UNC79: variants seen among roughly 807,000 people sequenced by gnomAD.
UNC79 encodes the protein unc-79 subunit of NALCN channel complex, also known as protein unc-79 homolog.
UNC79 carries 37 observed loss-of-function variants against 283.1 expected under a neutral mutation model. The ratio of observed to expected loss-of-function variants is 0.13; its 90% CI spans 0.10 to 0.17. The LOEUF is 0.17. Among genes scored for constraint, UNC79 ranks in the 10% least tolerant of loss-of-function variants. The pLI is 1.00. For synonymous variants in UNC79, 1,107 were observed against 1,200.2 expected (o/e 0.92, Z 1.61); for missense variants, 2,272 against 3,211.1 (o/e 0.71, Z 7.07).
chr14:93,657,416 A>G (rs1397005474), intron 38 of UNC79, among the ~76,000 whole-genome samples: 2 of 150,546 alleles, frequency 1.3e-5, no homozygotes, highest in African/African-American at 4.9e-5. Context: ...CAGTGGCACA[A>G]TCTCGGCTCA....
intron 14 of UNC79, among the ~76,000 whole-genome samples, chr14:93,549,459 A>AC (rs2061763488): frequency 6.6e-6 from 1 of 152,216 alleles, no homozygotes; most frequent in South Asian, 2.1e-4. Context: ...ACAATATTAT[A>AC]CTTGTCTCAT....
intron 1 of UNC79, among the ~76,000 whole-genome samples, chr14:93,424,826 C>G (rs554868525): frequency 6.6e-4 from 100 of 152,060 alleles, no homozygotes; most frequent in Admixed American, 1.4e-3. Context: ...TGTAGTCAAA[C>G]ATAATTTAAT....
At chr14:93,590,280 G>A (rs143434674) in intron 22 of UNC79, among the ~76,000 whole-genome samples, 1 of 152,270 alleles carries the variant, frequency 6.6e-6, no homozygotes, top group African/African-American at 2.4e-5. Context: ...CCATGAGAAA[G>A]GTGGAGGATC....
chr14:93,470,398 T>C (rs1207095511), intron 2 of UNC79, among the ~76,000 whole-genome samples: 1 of 152,194 alleles, frequency 6.6e-6, no homozygotes, highest in Non-Finnish European at 1.5e-5. Flanking sequence ...TAGTTGACTA[T>C]AAAATCAGTT....
At chr14:93,457,675 C>T (rs2056834719) in intron 1 of UNC79, among the ~76,000 whole-genome samples, 1 of 152,176 alleles carries the variant, frequency 6.6e-6, no homozygotes, top group Non-Finnish European at 1.5e-5. Context: ...TTTCAATCAG[C>T]AGAAAATGAG....
chr14:93,472,884 A>T (rs2057594722), intron 2 of UNC79, among the ~76,000 whole-genome samples: 1 of 152,138 alleles, frequency 6.6e-6, no homozygotes, highest in African/African-American at 2.4e-5. Flanking sequence ...ATATAAAAGC[A>T]CTTTGCAAGT....
intron 33 of UNC79, 62 bp from the exon 37 acceptor site, chr14:93,643,495 T>C: frequency 1.2e-6 from 2 of 1,612,036 alleles, no homozygotes; most frequent in Non-Finnish European, 1.7e-6. Context: ...GTGTGTAGTA[T>C]ATTATATCTT....
chr14:93,691,959 A>T lies in UNC79; in HGVS notation c.7470+13A>T. 6.2e-7 allele frequency: 1 copy of T among 1,613,136 alleles called. No individual in the cohort carries two copies. The highest frequency in any genetic ancestry group is 8.5e-7 in the Non-Finnish European group (1 of 1,179,106). ...CCATAACAAAGTGGTGAGTTCACAG[A>T]CGAGTTTCCCTTCTGAGATGGAATC... On this transcript the variant is annotated intron_variant, in intron 46 of 48. Transcript: ENST00000555664.
chr14:93,357,712 T>G (rs1595382907), intron 1 of UNC79, among the ~76,000 whole-genome samples: 3 of 128,340 alleles, frequency 2.3e-5, no homozygotes, highest in Non-Finnish European at 3.3e-5. Context: ...TATATATATA[T>G]ATATATATGG....
At chr14:93,537,237 G>A (rs1466817854) in intron 11 of UNC79, among the ~76,000 whole-genome samples, 1 of 152,184 alleles carries the variant, frequency 6.6e-6, no homozygotes, top group Non-Finnish European at 1.5e-5. Flanking sequence ...CTCCCGCCAG[G>A]GCAGCTTGAA....
At chr14:93,451,596 G>A (rs761601532) in intron 1 of UNC79, among the ~76,000 whole-genome samples, 1 of 152,328 alleles carries the variant, frequency 6.6e-6, no homozygotes, top group East Asian at 1.9e-4. Context: ...CAGATATTCT[G>A]AGTTGAGGAG....
At chr14:93,598,057 ACT>A (rs1369947871) in intron 24 of UNC79, among the ~76,000 whole-genome samples, 2 of 152,022 alleles carry the variant, frequency 1.3e-5, no homozygotes, top group Non-Finnish European at 2.9e-5. Flanking sequence ...GCTGATCATA[ACT>A]CTCTGCAGCC....
At chr14:93,426,406 A>G (rs1296427234), upstream of UNC79, among the ~76,000 whole-genome samples, 1 of 150,742 alleles carries the variant, frequency 6.6e-6, no homozygotes, top group Non-Finnish European at 1.5e-5. Flanking sequence ...TTCAGCCATT[A>G]TTTCCTTAAA....
chr14:93,654,800 C>T (rs1037565413), intron 37 of UNC79, among the ~76,000 whole-genome samples: 3 of 151,990 alleles, frequency 2.0e-5, no homozygotes, highest in African/African-American at 4.8e-5. Flanking sequence ...GAGCTATGGG[C>T]GTTGGATCAA....
At chr14:93,692,887 C>T (rs370401889) in intron 46 of UNC79, among the ~76,000 whole-genome samples, 2 of 152,152 alleles carry the variant, frequency 1.3e-5, no homozygotes, top group Admixed American at 1.3e-4. Flanking sequence ...CTGCAACCAG[C>T]GTCTTGTTAT....
intron 20 of UNC79, 51 bp from the exon 21 acceptor site, chr14:93,586,545 A>G: frequency 6.8e-7 from 1 of 1,464,418 alleles, no homozygotes; most frequent in Non-Finnish European, 9.4e-7. Flanking sequence ...TTGATGAATG[A>G]TGGGGGAGAG....
intron 41 of UNC79, among the ~76,000 whole-genome samples, chr14:93,674,185 G>A (rs1237653963): frequency 6.6e-6 from 1 of 152,138 alleles, no homozygotes; most frequent in Non-Finnish European, 1.5e-5. Context: ...GTTGAGAGCA[G>A]GATGGATCCC....
chr14:93,687,825 G>A (rs1441453417), intron 43 of UNC79, among the ~76,000 whole-genome samples: 1 of 152,124 alleles, frequency 6.6e-6, no homozygotes, highest in African/African-American at 2.4e-5. Flanking sequence ...AACATGTTTA[G>A]GTTGTTTTGC....
chr14:93,411,191 A>C (rs2140049017), intron 1 of UNC79, among the ~76,000 whole-genome samples: 1 of 152,258 alleles, frequency 6.6e-6, no homozygotes, highest in East Asian at 1.9e-4. Context: ...CATCCTGGCC[A>C]CAGGATGAGG....
Sources: allele counts gnomAD v4.1 joint callset (sites outside exome capture counted in the v4.1 genomes callset), GRCh38; gene constraint gnomAD v4.1.1; transcripts MANE v1.5; gene names NCBI Gene and HGNC (gene_info 2026-07-23, HGNC 2026-07-21).